The following MRPS28 variants were observed in gnomAD, a reference collection of about 807,000 sequenced individuals.
MRPS28 encodes mitochondrial ribosomal protein S28.
Under a neutral mutation model 10.8 loss-of-function variants are expected in MRPS28, and 7 were observed. The observed-to-expected ratio is 0.65, with a 90% confidence interval of 0.37 to 1.22. MRPS28 has a LOEUF of 1.22. Ranked by LOEUF, MRPS28 falls within the 50% of genes most tolerant of loss-of-function variation. The pLI, the probability that MRPS28 is intolerant of heterozygous loss-of-function variation, is 0.02. For synonymous variants in MRPS28, 121 were observed against 93.3 expected, an observed-to-expected ratio of 1.30 and a Z score of -1.71; for missense variants, 265 against 232.9, an observed-to-expected ratio of 1.14 and a Z score of -0.90.
rs528815485 is a variant in MRPS28 at position 79,974,490 on chromosome 8, G to A, written c.395+28509C>T. The stretch of plus-strand genomic sequence containing the variant: ...CGAGAGGCAGAGCTTGCAGTGAGCC[G>A]AGATTTCGCCACTATATTCCAGCCT... On this transcript the variant is annotated intron_variant, in intron 2 of 2. Coordinates refer to ENST00000276585, the MANE Select transcript of MRPS28 (RefSeq NM_014018.3). Among the ~76,000 whole-genome samples the A allele has an allele frequency of 7.2e-5, 11 of 151,792 alleles. No homozygotes were observed. The East Asian group carries it at 1.7e-3, about 24-fold the overall frequency.
chr8:79,976,805 A>T lies in MRPS28; in HGVS notation c.395+26194T>A, dbSNP rs144651114. Among the ~76,000 whole-genome samples the T allele has an allele frequency of 1.5e-3, 229 of 152,366 alleles. 2 individuals carry two copies. Among genetic ancestry groups the T allele is most frequent in the African/African-American group, 5.2e-3 (218 of 41,580 alleles). On this transcript the variant is annotated intron_variant, in intron 2 of 2. Transcript: ENST00000276585. The stretch of plus-strand genomic sequence containing the variant: ...GAATTTGTATTTTGCAATCAGCTTA[A>T]ATTACTTTTAAAATAAAATGATATT...
chr8:79,947,674 G>A (rs1474688450), intron 2 of MRPS28, among the ~76,000 whole-genome samples: 9 of 121,190 alleles, frequency 7.4e-5, no homozygotes, highest in Non-Finnish European at 1.1e-4. Flanking sequence ...TCGCTCTGTC[G>A]CCCAGGCTGG....
chr8:79,943,516 T>C (rs572985348), intron 2 of MRPS28, among the ~76,000 whole-genome samples: 5 of 152,228 alleles, frequency 3.3e-5, no homozygotes, highest in Admixed American at 2.6e-4. Flanking sequence ...TTGTGCTCCA[T>C]AATTCAAGTC....
chr8:80,005,199 T>C (rs943011613), intron 1 of MRPS28, among the ~76,000 whole-genome samples: 9 of 151,806 alleles, frequency 5.9e-5, no homozygotes, highest in Non-Finnish European at 1.0e-4. Context: ...TTCACCAAAG[T>C]TGAAATGAAG....
At chr8:79,976,004 G>T (rs1807786198) in intron 2 of MRPS28, among the ~76,000 whole-genome samples, 1 of 152,002 alleles carries the variant, frequency 6.6e-6, no homozygotes. Context: ...CCTGACATAT[G>T]TTTATTTGGG....
intron 2 of MRPS28, among the ~76,000 whole-genome samples, chr8:79,977,980 T>C (rs1473683611): frequency 6.6e-6 from 1 of 152,064 alleles, no homozygotes; most frequent in Non-Finnish European, 1.5e-5. Flanking sequence ...TAGAACTATT[T>C]GCTTGGTTAA....
chr8:80,021,610 C>T (rs1423840003), intron 1 of MRPS28, among the ~76,000 whole-genome samples: 1 of 152,126 alleles, frequency 6.6e-6, no homozygotes, highest in East Asian at 1.9e-4. Context: ...GCATGTGGAA[C>T]TTTACTTCTA....
intron 2 of MRPS28, among the ~76,000 whole-genome samples, chr8:79,943,615 A>G (rs1200470758): frequency 3.9e-5 from 6 of 152,232 alleles, no homozygotes; most frequent in Non-Finnish European, 8.8e-5. Flanking sequence ...TTTTTACTTC[A>G]GAATAATCTG....
intron 1 of MRPS28, among the ~76,000 whole-genome samples, chr8:80,014,230 T>C (rs1016460694): frequency 2.0e-5 from 3 of 152,132 alleles, no homozygotes. Flanking sequence ...CAATATTCTG[T>C]CAAGCACAAA....
chr8:79,986,599 G>T (rs914068953), intron 2 of MRPS28, among the ~76,000 whole-genome samples: 1 of 152,044 alleles, frequency 6.6e-6, no homozygotes, highest in Admixed American at 6.5e-5. Context: ...AAATCAATGT[G>T]CAAAAATCAC....
intron 1 of MRPS28, 130 bp downstream of exon 1, chr8:80,029,906 G>C (rs941127158): frequency 5.2e-6 from 8 of 1,536,038 alleles, no homozygotes; most frequent in South Asian, 1.2e-5. Flanking sequence ...ACAACGCACC[G>C]CAACTCCGGA....
At chr8:79,988,679 A>T (rs1468293117) in intron 2 of MRPS28, among the ~76,000 whole-genome samples, 1 of 151,936 alleles carries the variant, frequency 6.6e-6, no homozygotes, top group African/African-American at 2.4e-5. Flanking sequence ...TAATTATTAT[A>T]GTGCTGTGAT....
intron 2 of MRPS28, among the ~76,000 whole-genome samples, chr8:79,940,318 T>C (rs1806733229): frequency 6.6e-6 from 1 of 152,246 alleles, no homozygotes. Flanking sequence ...TTATTGTACA[T>C]ATCATCTGGT....
intron 1 of MRPS28, among the ~76,000 whole-genome samples, chr8:80,021,730 G>A (rs1409359530): frequency 6.6e-6 from 1 of 152,128 alleles, no homozygotes; most frequent in Non-Finnish European, 1.5e-5. Flanking sequence ...GAATTCAATG[G>A]TCTTATCAGT....
intron 2 of MRPS28, among the ~76,000 whole-genome samples, chr8:79,984,527 C>A (rs1025382767): frequency 6.6e-6 from 1 of 152,150 alleles, no homozygotes; most frequent in African/African-American, 2.4e-5. Context: ...ATTCAGGAGA[C>A]CCATCTCATG....
chr8:79,919,432 C>A (rs954221863), intron 2 of MRPS28, among the ~76,000 whole-genome samples: 1 of 151,980 alleles, frequency 6.6e-6, no homozygotes, highest in East Asian at 1.9e-4. Context: ...CTTCAAACTT[C>A]TGGGCTCAAG....
chr8:79,951,438 C>G (rs771028548), intron 2 of MRPS28, among the ~76,000 whole-genome samples: 3 of 152,164 alleles, frequency 2.0e-5, no homozygotes, highest in Non-Finnish European at 2.9e-5. Context: ...TCCTGGCACA[C>G]AGGCAGCAAT....
intron 1 of MRPS28, among the ~76,000 whole-genome samples, chr8:80,013,900 ATC>A (rs940334836): frequency 1.3e-5 from 2 of 152,132 alleles, no homozygotes; most frequent in Non-Finnish European, 2.9e-5. Context: ...ACTTACATTT[ATC>A]TCTCTCCCTC....
intron 2 of MRPS28, among the ~76,000 whole-genome samples, chr8:79,997,666 G>A (rs1808538115): frequency 6.7e-6 from 1 of 150,226 alleles, no homozygotes; most frequent in South Asian, 2.1e-4. Flanking sequence ...AAACATTAAA[G>A]TTAGCATTCA....
Sources: gnomAD v4.1 joint callset for allele counts (sites outside exome capture counted in the v4.1 genomes callset) on GRCh38, gnomAD v4.1.1 for gene constraint, MANE v1.5 for transcripts, NCBI Gene and HGNC (gene_info 2026-07-23, HGNC 2026-07-21) for gene names.